The following CEP72 variants were observed in gnomAD, a reference collection of about 807,000 sequenced individuals.
CEP72 encodes the protein centrosomal protein of 72 kDa.
Under a neutral mutation model 65.7 loss-of-function variants are expected in CEP72, and 78 were observed. That is an observed-to-expected ratio of 1.19 (90% CI 0.99 to 1.43). The LOEUF (loss-of-function observed/expected upper bound fraction) is 1.43, where lower values mean the gene tolerates loss of function less well. Ranked by LOEUF, CEP72 falls within the 40% of genes most tolerant of loss-of-function variation. The probability of loss-of-function intolerance (pLI) is 0.00; values close to 1 mark genes in which losing one functional copy is unlikely to be tolerated. For synonymous variants in CEP72, 358 were observed against 351.7 expected, an observed-to-expected ratio of 1.02 and a Z score of -0.20; for missense variants, 914 against 832.9, an observed-to-expected ratio of 1.10 and a Z score of -1.20.
At position 633,818 on chromosome 5, in the gene CEP72, C is replaced by G; in HGVS notation, c.562C>G (p.Leu188Val). The G allele has an allele frequency of 6.2e-7, 1 of 1,614,128 alleles. No homozygotes were observed. The highest frequency in any genetic ancestry group is 8.5e-7 in the Non-Finnish European group (1 of 1,180,042). The stretch of plus-strand genomic sequence containing the variant: ...CACCGAGGCCTTGGCCAAGCAGAGC[C>G]TGGTCATGGATGCGGATGACGAGGC... Reference protein sequence around the residue: ...KCTEALAKQSLVMDADDEAVL... With the variant: ...KCTEALAKQSVVMDADDEAVL... Residue 188 changes from leucine to valine, a missense_variant, in exon 5 of 12, where the codon CTG becomes GTG. Transcript: ENST00000264935.
chr5:641,082 C>T (rs1190992297), intron 9 of CEP72: 5 of 985,352 alleles, frequency 5.1e-6, no homozygotes, highest in Admixed American at 6.1e-5. Flanking sequence ...TATTGGGCCT[C>T]AGGCTCAGCT....
chr5:619,042 C>G lies in CEP72; in HGVS notation c.135C>G (p.His45Gln), dbSNP rs751592218. The change falls in exon 2 of 12, where the codon CAC becomes CAG. Residue 45 changes from histidine (H) to glutamine (Q), a missense_variant. By Grantham distance (24) the His-to-Gln change is conservative. Coordinates refer to ENST00000264935, the MANE Select transcript of CEP72 (RefSeq NM_018140.4). ...GAACTTACCAAGAGAAGATCACCCA[C>G]CTGGGACATTCTCTGATGAGTTTAA... ...IPGTYQEKIT[H>Q]LGHSLMSLTG... is the part of the protein sequence containing the mutation. The G allele has an allele frequency of 6.2e-6, 10 of 1,612,458 alleles. No homozygotes were observed. The African/African-American group carries it at 9.3e-5, about 15-fold the overall frequency.
intron 11 of CEP72, among the ~76,000 whole-genome samples, chr5:649,297 G>GTGAGGCGTGAC (rs1738736531): frequency 8.1e-6 from 1 of 123,004 alleles, no homozygotes; most frequent in Non-Finnish European, 1.6e-5. Flanking sequence ...GGCATGGACT[G>GTGAGGCGTGAC]TGAGGCGTGA....
At chr5:661,511 T>C (rs1020537528), downstream of CEP72, 4 of 152,430 alleles carry the variant, frequency 2.6e-5, no homozygotes, top group Non-Finnish European at 5.9e-5. Flanking sequence ...CAGTTTGTTA[T>C]TCACAAATAC....
rs775349905 is a variant in CEP72, at chr5:620,052, G to A, written c.211-17G>A. The A allele has an allele frequency of 1.9e-6, 3 of 1,588,936 alleles. No individual in the cohort carries two copies. The highest frequency in any genetic ancestry group is 1.1e-5 in the South Asian group (1 of 90,480). On this transcript the variant is annotated splice_polypyrimidine_tract_variant and intron_variant, in intron 2 of 11. Transcript: ENST00000264935. ...TGTTTAAAGTGTGAATGAATTCACT[G>A]TGTTTTCTGTTGACAGGGCATTCAG...
At chr5:669,485 T>C (rs1297089132), downstream of CEP72, among the ~76,000 whole-genome samples, 2 of 152,104 alleles carry the variant, frequency 1.3e-5, no homozygotes, top group Non-Finnish European at 2.9e-5. Flanking sequence ...TCTGGGGCCC[T>C]TGGGGCCTCT....
At chr5:665,833 CA>C in intron 3 of CEP72, 1 of 1,035,356 alleles carries the variant, frequency 9.7e-7, no homozygotes, top group Non-Finnish European at 1.3e-6. Context: ...CCCTCCTGAC[CA>C]CGCCTCCCAG....
the CEP72 span, chr5:676,067 C>T: frequency 6.6e-6 from 1 of 152,174 alleles, no homozygotes; most frequent in African/African-American, 2.4e-5. Flanking sequence ...ACTCGCTGGC[C>T]CTGGTTGCCT....
At chr5:617,579 G>C (rs533696846) in intron 1 of CEP72, among the ~76,000 whole-genome samples, 293 of 152,326 alleles carry the variant, frequency 1.9e-3, no homozygotes, top group African/African-American at 6.9e-3. Context: ...ACCCTGTCCC[G>C]GTGGCAGGGT....
At chr5:618,548 G>C (rs557695332) in intron 1 of CEP72, among the ~76,000 whole-genome samples, 3 of 152,096 alleles carry the variant, frequency 2.0e-5, no homozygotes, top group Non-Finnish European at 4.4e-5. Context: ...GGGCCACTGC[G>C]CTGGGATTTT....
downstream of CEP72, among the ~76,000 whole-genome samples, chr5:654,455 C>A (rs964133523): frequency 1.3e-5 from 2 of 148,922 alleles, no homozygotes; most frequent in African/African-American, 5.0e-5. Flanking sequence ...GTGTGTGCTT[C>A]TGTGTGTGTG....
intron 1 of CEP72, among the ~76,000 whole-genome samples, chr5:617,533 C>G (rs1011799202): frequency 3.3e-5 from 5 of 152,194 alleles, no homozygotes; most frequent in African/African-American, 1.2e-4. Context: ...CTTTCAGTAA[C>G]ATGAGCCAAA....
chr5:671,798 G>T, downstream of CEP72, among the ~76,000 whole-genome samples: 1 of 152,238 alleles, frequency 6.6e-6, no homozygotes, highest in East Asian at 1.9e-4. Flanking sequence ...TGGCCCCAGG[G>T]CTCCAGAGCC....
At chr5:629,158 A>G (rs1737036756) in intron 4 of CEP72, among the ~76,000 whole-genome samples, 1 of 152,258 alleles carries the variant, frequency 6.6e-6, no homozygotes, top group African/African-American at 2.4e-5. Context: ...GTTGGAAACA[A>G]GGTCCCCTTT....
At chr5:648,811 T>C (rs1187136792) in intron 11 of CEP72, among the ~76,000 whole-genome samples, 1 of 116,146 alleles carries the variant, frequency 8.6e-6, no homozygotes, top group East Asian at 2.8e-4. Context: ...GCGTGGACTG[T>C]GAGGTGTGAC....
chr5:661,307 T>TCTTGTCACCCCCAACAGAACCTGTC (rs1431319523), downstream of CEP72: 37 of 142,178 alleles, frequency 2.6e-4, no homozygotes, highest in African/African-American at 9.3e-4. Flanking sequence ...TGTCCCTGTC[T>TCTTGTCACCCCCAACAGAACCTGTC]CCTCTTGTCA....
chr5:669,273 T>TGGTGAGCCC (rs145649492), downstream of CEP72, among the ~76,000 whole-genome samples: 27 of 151,704 alleles, frequency 1.8e-4, no homozygotes, highest in African/African-American at 6.3e-4. Flanking sequence ...CAGGGGGCGC[T>TGGTGAGCCC]GGTGAGCCCG....
chr5:667,771 T>C (rs1739981911), downstream of CEP72, among the ~76,000 whole-genome samples: 1 of 150,848 alleles, frequency 6.6e-6, no homozygotes, highest in Non-Finnish European at 1.5e-5. Context: ...GACACGTGCA[T>C]GCAGACAAGC....
rs2126718452 is a variant in CEP72, at chr5:612,393, G to A, written c.32G>A (p.Ser11Asn). MARAGPRLVL[S>N]EEAVRAKSGL... Reference sequence around the variant, plus strand: ...CGGGCTGGCCCTCGGCTGGTGCTGAGCGAGGAGGCGGTTCGGGCGAAGAGC... The same window carrying A: ...CGGGCTGGCCCTCGGCTGGTGCTGAACGAGGAGGCGGTTCGGGCGAAGAGC... The change falls in exon 1 of 12, where the codon AGC becomes AAC. Residue 11 changes from serine (S) to asparagine (N), a missense_variant. By Grantham distance (46) the Ser-to-Asn change is conservative (BLOSUM62 1). Transcript: ENST00000264935. The A allele has an allele frequency of 4.0e-6, 6 of 1,490,184 alleles. No individual in the cohort carries two copies. Among genetic ancestry groups the A allele is most frequent in the Middle Eastern group, 4.7e-4 (2 of 4,254 alleles). 92.3% of individuals were successfully genotyped at this position (1,490,184 alleles called of 1,614,324 possible). A position where few individuals can be genotyped will look rare whatever the true frequency, so the allele number is the denominator to read the frequency against.
Sources: gnomAD v4.1 joint callset for allele counts (sites outside exome capture counted in the v4.1 genomes callset) on GRCh38, gnomAD v4.1.1 for gene constraint, MANE v1.5 for transcripts, NCBI Gene and HGNC (gene_info 2026-07-23, HGNC 2026-07-21) for gene names.